The following NLK variants were observed in gnomAD, a reference collection of about 807,000 sequenced individuals.
NLK encodes nemo like kinase, also known as serine/threonine-protein kinase NLK.
Under a neutral mutation model 59.0 loss-of-function variants are expected in NLK, and 11 were observed. That is an observed-to-expected ratio of 0.19 (90% CI 0.12 to 0.31). The LOEUF is 0.31. Ranked by LOEUF, NLK falls within the 10% of genes least tolerant of loss-of-function variation. The pLI, the probability that NLK is intolerant of heterozygous loss-of-function variation, is 1.00. For synonymous variants in NLK, 235 were observed against 235.9 expected (o/e 1.00, Z 0.03); for missense variants, 410 against 661.1 (o/e 0.62, Z 4.16).
At chr17:28,202,081 A>C in the NLK span, among the ~76,000 whole-genome samples, 1 of 152,142 alleles carries the variant, frequency 6.6e-6, no homozygotes, top group Non-Finnish European at 1.5e-5. Context: ...AAAAATTCAA[A>C]ATTCACTTAC....
In NLK at chr17:28,186,087, A is replaced by G. The variant is rs572155243; in HGVS notation, c.1236+822A>G. On this transcript the variant is annotated intron_variant, in intron 8 of 10. Transcript: ENST00000407008. ...AGAAGACTTAAAAATGGAAGCATTT[A>G]GTAAAGAAAATTTAACTTGCCAAGA... Among the ~76,000 whole-genome samples, 3 of 152,366 alleles carry G rather than the reference A, an allele frequency of 2.0e-5. 1 individual carries two copies. Among genetic ancestry groups the G allele is most frequent in the African/African-American group, 7.2e-5 (3 of 41,580 alleles).
chr17:28,161,357 TTTC>T (rs1208745202), intron 4 of NLK, 91 bp downstream of exon 4: 10 of 679,288 alleles, frequency 1.5e-5, no homozygotes, highest in African/African-American at 1.4e-4. Flanking sequence ...CTTCCAAGGT[TTTC>T]TTCTTCTCTA....
intron 1 of NLK, among the ~76,000 whole-genome samples, chr17:28,054,319 C>T (rs1354625222): frequency 6.6e-6 from 1 of 152,154 alleles, no homozygotes; most frequent in Admixed American, 6.5e-5. Context: ...GGGTGTATAC[C>T]ATAGCCAGCG....
At chr17:28,078,835 A>T (rs1211395374) in intron 1 of NLK, among the ~76,000 whole-genome samples, 1 of 151,834 alleles carries the variant, frequency 6.6e-6, no homozygotes, top group Non-Finnish European at 1.5e-5. Context: ...AAGGACCCTT[A>T]AAAAAAAGAC....
In NLK at chr17:28,136,539, C is replaced by T. The variant is rs116674836; in HGVS notation, c.644+3864C>T. Among the ~76,000 whole-genome samples, 953 of 152,222 alleles carry T rather than the reference C, an allele frequency of 6.3e-3. 7 individuals carry two copies. Among genetic ancestry groups the T allele is most frequent in the African/African-American group, 0.022 (931 of 41,530 alleles). ...GAAAATGTAAGAAATACCTTAGTTA[C>T]ATATATGTTCTGCCTTCACTGCTGA... On this transcript the variant is annotated intron_variant, in intron 3 of 10. Coordinates refer to ENST00000407008, the MANE Select transcript of NLK (RefSeq NM_016231.5).
chr17:28,076,678 C>A (rs1910169175), intron 1 of NLK, among the ~76,000 whole-genome samples: 1 of 152,054 alleles, frequency 6.6e-6, no homozygotes, highest in African/African-American at 2.4e-5. Flanking sequence ...AAAAGAGTAT[C>A]CCCATTTTTG....
At chr17:28,055,939 G>T (rs1413515949) in intron 1 of NLK, among the ~76,000 whole-genome samples, 1 of 152,096 alleles carries the variant, frequency 6.6e-6, no homozygotes, top group African/African-American at 2.4e-5. Flanking sequence ...GCACATAAAA[G>T]GAAGGTTTTT....
chr17:28,148,341 G>C (rs768874883), intron 3 of NLK, among the ~76,000 whole-genome samples: 1 of 151,210 alleles, frequency 6.6e-6, no homozygotes, highest in Non-Finnish European at 1.5e-5. Context: ...TAACTTTTTA[G>C]TTCTCATGCA....
intron 2 of NLK, among the ~76,000 whole-genome samples, chr17:28,131,586 T>TAAAAAAAAAAAAA (rs35804817): frequency 1.2e-5 from 1 of 83,730 alleles, no homozygotes; most frequent in African/African-American, 4.7e-5. Context: ...TTCTCTGTAG[T>TAAAAAAAAAAAAA]AAAAAAAAAA....
intron 1 of NLK, chr17:28,116,379 G>T (rs956157717): frequency 1.0e-5 from 2 of 195,830 alleles, no homozygotes; most frequent in South Asian, 1.0e-4. Flanking sequence ...TTTCATGGGT[G>T]GCTCTAGTAG....
intron 1 of NLK, chr17:28,061,825 CAT>C (rs1404801735): frequency 3.6e-5 from 5 of 138,304 alleles, no homozygotes; most frequent in African/African-American, 1.4e-4. Context: ...ATAATATATA[CAT>C]ATATACATAT....
At chr17:28,131,972 A>G (rs557218915) in intron 2 of NLK, among the ~76,000 whole-genome samples, 48 of 152,212 alleles carry the variant, frequency 3.2e-4, no homozygotes, top group Non-Finnish European at 5.1e-4. Flanking sequence ...TTCAATAAGC[A>G]CTGGCTTTTC....
At position 28,074,320 on chromosome 17, in the gene NLK, C is replaced by T. The variant is rs1017248664; in HGVS notation, c.458+30989C>T. On this transcript the variant is annotated intron_variant, in intron 1 of 10. Transcript: ENST00000407008. ...CAAACCTGCACATCCTGCACATGTA[C>T]CCCTGAACTTAAAAGTTGGAGAAAA... is the stretch of plus-strand genomic sequence containing the variant. 4.7e-4 allele frequency among the ~76,000 whole-genome samples: 71 copies of T among 152,244 alleles called. 1 individual carries two copies. Among genetic ancestry groups the T allele is most frequent in the African/African-American group, 1.6e-3 (68 of 41,536 alleles).
intron 3 of NLK, among the ~76,000 whole-genome samples, chr17:28,146,328 A>G (rs1185839978): frequency 6.6e-6 from 1 of 152,116 alleles, no homozygotes; most frequent in African/African-American, 2.4e-5. Context: ...ACCACCTAGC[A>G]TGTATTGATG....
chr17:28,145,790 C>T (rs1462863570), intron 3 of NLK, among the ~76,000 whole-genome samples: 1 of 152,112 alleles, frequency 6.6e-6, no homozygotes, highest in Non-Finnish European at 1.5e-5. Flanking sequence ...ACTGCAGCCT[C>T]CACCTCCAGG....
At chr17:28,147,454 A>G (rs953654548) in intron 3 of NLK, among the ~76,000 whole-genome samples, 1 of 152,184 alleles carries the variant, frequency 6.6e-6, no homozygotes, top group Admixed American at 6.5e-5. Flanking sequence ...ACTTCCTAAA[A>G]TAGATGCAGC....
At chr17:28,050,019 T>A (rs763700877) in intron 1 of NLK, among the ~76,000 whole-genome samples, 2 of 152,194 alleles carry the variant, frequency 1.3e-5, no homozygotes, top group Non-Finnish European at 1.5e-5. Context: ...TCTTACAATA[T>A]TCAATTATTG....
At chr17:28,070,584 C>T (rs983729064) in intron 1 of NLK, among the ~76,000 whole-genome samples, 4 of 151,808 alleles carry the variant, frequency 2.6e-5, no homozygotes, top group African/African-American at 9.7e-5. Flanking sequence ...ATCTCTTGAC[C>T]TTGTGATCCT....
At chr17:28,082,639 T>C (rs781576900) in intron 1 of NLK, among the ~76,000 whole-genome samples, 6 of 152,184 alleles carry the variant, frequency 3.9e-5, no homozygotes, top group African/African-American at 1.2e-4. Context: ...TCAGTTTGGA[T>C]TGTGAGCTGA....
Sources: allele counts gnomAD v4.1 joint callset (sites outside exome capture counted in the v4.1 genomes callset), GRCh38; gene constraint gnomAD v4.1.1; transcripts MANE v1.5; gene names NCBI Gene and HGNC (gene_info 2026-07-23, HGNC 2026-07-21).